Variants in PREX1 observed in about 807,000 individuals in gnomAD.
PREX1 encodes phosphatidylinositol-3,4,5-trisphosphate dependent Rac exchange factor 1.
PREX1 carries 41 observed loss-of-function variants against 198.3 expected under a neutral mutation model. That is an observed-to-expected ratio of 0.21 (90% CI 0.16 to 0.27). The LOEUF (loss-of-function observed/expected upper bound fraction) is 0.27, where lower values mean the gene tolerates loss of function less well. PREX1 is among the 10% of genes least tolerant of loss of function. The probability of loss-of-function intolerance (pLI) is 1.00; values close to 1 mark genes in which losing one functional copy is unlikely to be tolerated. For synonymous variants in PREX1, 843 were observed against 887.2 expected (o/e 0.95, Z 0.89); for missense variants, 1,620 against 2,200.7 (o/e 0.74, Z 5.28).
rs1298289534 is a variant in PREX1, at chr20:48,624,696, G to A, written c.*1189C>T. 1 of 152,272 alleles carries A rather than the reference G, an allele frequency of 6.6e-6. No homozygotes were observed. Among genetic ancestry groups the A allele is most frequent in the Non-Finnish European group, 1.5e-5 (1 of 68,076 alleles). The allele number at this position is 152,272 out of a possible 1,614,324, so 9.4% of individuals were successfully genotyped here. On this transcript the variant is annotated 3_prime_UTR_variant, in exon 40 of 40. Transcript: ENST00000371941. ...TGGGTCCCTCCTCCCCAGCAGGCAG[G>A]GTGGCTTCCTGTGCTCTGGCTGGTG...
chr20:48,695,772 T>C (rs746712254), intron 7 of PREX1, among the ~76,000 whole-genome samples: 7 of 152,238 alleles, frequency 4.6e-5, no homozygotes, highest in Non-Finnish European at 8.8e-5. Context: ...TAATTACTTA[T>C]AGCAGAGGTT....
chr20:48,722,932 ACAGT>A (rs558189244), intron 5 of PREX1, among the ~76,000 whole-genome samples: 1 of 152,246 alleles, frequency 6.6e-6, no homozygotes, highest in Admixed American at 6.5e-5. Flanking sequence ...AAGATCAGTG[ACAGT>A]CAGGCCCCCC....
At chr20:48,759,549 CAAAAAAAAAAAA>C (rs386393896) in intron 1 of PREX1, among the ~76,000 whole-genome samples, 1 of 73,978 alleles carries the variant, frequency 1.4e-5, no homozygotes, top group Non-Finnish European at 2.5e-5. Flanking sequence ...GATTCCATCT[CAAAAAAAAAAAA>C]AAAAAAAGAA....
At chr20:48,758,181 G>A (rs1160953990) in intron 1 of PREX1, among the ~76,000 whole-genome samples, 3 of 152,194 alleles carry the variant, frequency 2.0e-5, no homozygotes, top group Non-Finnish European at 4.4e-5. Context: ...TTACCACCAT[G>A]AGGCCCCAGA....
At chr20:48,697,297 T>C (rs2089851826) in intron 7 of PREX1, among the ~76,000 whole-genome samples, 1 of 152,120 alleles carries the variant, frequency 6.6e-6, no homozygotes, top group Non-Finnish European at 1.5e-5. Context: ...ATATAACAGG[T>C]AGGAAAAGAC....
intron 1 of PREX1, among the ~76,000 whole-genome samples, chr20:48,755,344 C>T (rs904901466): frequency 6.6e-6 from 1 of 152,190 alleles, no homozygotes; most frequent in African/African-American, 2.4e-5. Flanking sequence ...AGCTGTCCCC[C>T]AATATCATTC....
At chr20:48,663,132 T>C (rs1392958450) in intron 15 of PREX1, among the ~76,000 whole-genome samples, 1 of 151,862 alleles carries the variant, frequency 6.6e-6, no homozygotes, top group Non-Finnish European at 1.5e-5. Context: ...AAAGAGTGAG[T>C]CCTATTCCCA....
chr20:48,775,385 G>A (rs546737918), intron 1 of PREX1, among the ~76,000 whole-genome samples: 8 of 151,974 alleles, frequency 5.3e-5, no homozygotes, highest in Non-Finnish European at 7.4e-5. Flanking sequence ...ATAAGAACAC[G>A]TCCAGCTGAG....
rs550182606 is a variant in PREX1, at chr20:48,793,109, G to A, written c.219+34533C>T. 2.4e-4 allele frequency among the ~76,000 whole-genome samples: 37 copies of A among 152,226 alleles called. 1 individual carries two copies. Among genetic ancestry groups the A allele is most frequent in the African/African-American group, 8.2e-4 (34 of 41,518 alleles). ...AGTTCCAGCTACTTGGAAGGCTGAG[G>A]GGGGAGAATTGCTTGAACCGGAAGG... On this transcript the variant is annotated intron_variant, in intron 1 of 39. Coordinates refer to ENST00000371941, the MANE Select transcript of PREX1 (RefSeq NM_020820.4).
intron 1 of PREX1, among the ~76,000 whole-genome samples, chr20:48,801,706 C>T (rs1161605679): frequency 6.6e-6 from 1 of 152,222 alleles, no homozygotes; most frequent in Non-Finnish European, 1.5e-5. Flanking sequence ...TATGGTTTAG[C>T]TATGGCTTAT....
At chr20:48,658,082 C>A (rs1420086261) in intron 17 of PREX1, 54 bp downstream of exon 17, 38 of 1,542,762 alleles carry the variant, frequency 2.5e-5, no homozygotes, top group Middle Eastern at 1.7e-4. Context: ...TGAAGAGAGA[C>A]ACCCCGCTCT....
intron 5 of PREX1, among the ~76,000 whole-genome samples, chr20:48,725,833 T>C (rs371809515): frequency 2.0e-4 from 30 of 152,204 alleles, no homozygotes; most frequent in African/African-American, 6.0e-4. Context: ...AGCACAGCAA[T>C]AGTGATTGGT....
At chr20:48,700,655 C>G in intron 7 of PREX1, 98 bp downstream of exon 7, 1 of 1,501,744 alleles carries the variant, frequency 6.7e-7, no homozygotes, top group Non-Finnish European at 9.2e-7. Flanking sequence ...CCCCTCAACT[C>G]ACAGGAAAGG....
chr20:48,798,771 C>T (rs1015821475), intron 1 of PREX1, among the ~76,000 whole-genome samples: 1 of 152,240 alleles, frequency 6.6e-6, no homozygotes, highest in Non-Finnish European at 1.5e-5. Context: ...CAAAATTCAT[C>T]TCCTGGTGTT....
At chr20:48,838,899 G>A in the PREX1 span, among the ~76,000 whole-genome samples, 25 of 147,566 alleles carry the variant, frequency 1.7e-4, no homozygotes, top group Middle Eastern at 3.6e-3. Context: ...GGTGGCAGGC[G>A]CCTGTAATCC....
At chr20:48,648,422 C>G (rs772816909) in intron 25 of PREX1, among the ~76,000 whole-genome samples, 13 of 152,162 alleles carry the variant, frequency 8.5e-5, no homozygotes, top group Non-Finnish European at 1.6e-4. Flanking sequence ...GTAGAGACCC[C>G]AGATGCTGCT....
intron 7 of PREX1, among the ~76,000 whole-genome samples, chr20:48,695,653 C>A (rs896163553): frequency 2.6e-5 from 4 of 152,164 alleles, no homozygotes; most frequent in African/African-American, 9.7e-5. Flanking sequence ...TTTGTAGTTC[C>A]CTGATGAGTA....
intron 1 of PREX1, among the ~76,000 whole-genome samples, chr20:48,797,650 G>C (rs190875070): frequency 6.6e-6 from 1 of 152,046 alleles, no homozygotes; most frequent in African/African-American, 2.4e-5. Context: ...GTCGGTCCCC[G>C]CTTGTCACCT....
At chr20:48,801,964 G>A (rs1701410054) in intron 1 of PREX1, among the ~76,000 whole-genome samples, 1 of 152,094 alleles carries the variant, frequency 6.6e-6, no homozygotes, top group South Asian at 2.1e-4. Context: ...GACCTTCTCT[G>A]CCATGCCATG....
Sources: gnomAD v4.1 joint callset for allele counts (sites outside exome capture counted in the v4.1 genomes callset) on GRCh38, gnomAD v4.1.1 for gene constraint, MANE v1.5 for transcripts, NCBI Gene and HGNC (gene_info 2026-07-23, HGNC 2026-07-21) for gene names.